The following ADGRV1 variants were observed in gnomAD, a reference collection of about 807,000 sequenced individuals.
ADGRV1 encodes adhesion G protein-coupled receptor V1.
ADGRV1 carries 359 observed loss-of-function variants against 596.2 expected under a neutral mutation model. The observed-to-expected ratio is 0.60, with a 90% CI of 0.55 to 0.66. ADGRV1 has a LOEUF of 0.66. ADGRV1 is among the 30% of genes least tolerant of loss of function. The pLI is 0.00. For missense variants in ADGRV1, 7,274 were observed against 7,575.6 expected (o/e 0.96, Z 1.48); for synonymous variants, 2,681 against 2,679.2 (o/e 1.00, Z -0.02).
At chr5:91,096,053 C>T (rs1366337740) in intron 86 of ADGRV1, among the ~76,000 whole-genome samples, 2 of 151,662 alleles carry the variant, frequency 1.3e-5, no homozygotes, top group East Asian at 3.8e-4. Context: ...AGCCACTGCA[C>T]TTGGCTGATA....
At chr5:90,997,956 T>A (rs972728547) in intron 85 of ADGRV1, among the ~76,000 whole-genome samples, 7 of 152,170 alleles carry the variant, frequency 4.6e-5, no homozygotes, top group Non-Finnish European at 8.8e-5. Flanking sequence ...TCTATGAATG[T>A]GTGTCTCATA....
chr5:90,747,263 A>G (rs376792998), intron 52 of ADGRV1, among the ~76,000 whole-genome samples: 1 of 152,092 alleles, frequency 6.6e-6, no homozygotes, highest in African/African-American at 2.4e-5. Context: ...TGGAGCAACA[A>G]GGAGGCCACT....
chr5:90,978,025 G>A (rs867293177), intron 84 of ADGRV1, among the ~76,000 whole-genome samples: 11 of 152,090 alleles, frequency 7.2e-5, no homozygotes, highest in South Asian at 2.1e-4. Context: ...GACTGGGCAC[G>A]GTAGCTCAAG....
At chr5:91,154,852 GC>G (rs1313694863) in intron 89 of ADGRV1, among the ~76,000 whole-genome samples, 1 of 152,158 alleles carries the variant, frequency 6.6e-6, no homozygotes, top group African/African-American at 2.4e-5. Flanking sequence ...CATAAGAATA[GC>G]ATAGGGTAAA....
At chr5:90,808,435 G>A (rs73179310) in intron 73 of ADGRV1, among the ~76,000 whole-genome samples, 2,050 of 152,256 alleles carry the variant, frequency 0.013, 15 homozygotes, top group Middle Eastern at 0.054. Context: ...AAACTAGAGT[G>A]TATTCAAGTA....
At chr5:90,561,934 G>A (rs973834665) in intron 1 of ADGRV1, among the ~76,000 whole-genome samples, 2 of 150,790 alleles carry the variant, frequency 1.3e-5, no homozygotes, top group African/African-American at 5.0e-5. Flanking sequence ...CTGTTCTTTT[G>A]ATTTGGAAAT....
intron 1 of ADGRV1, among the ~76,000 whole-genome samples, chr5:90,584,476 T>C (rs1276664921): frequency 6.6e-6 from 1 of 152,226 alleles, no homozygotes; most frequent in Admixed American, 6.5e-5. Context: ...TAACCACTTG[T>C]TTTGCTCATG....
chr5:91,155,699 G>A (rs1796422811), intron 89 of ADGRV1, among the ~76,000 whole-genome samples: 1 of 152,130 alleles, frequency 6.6e-6, no homozygotes, highest in South Asian at 2.1e-4. Context: ...CTGATACTTT[G>A]CATAATATTA....
intron 83 of ADGRV1, among the ~76,000 whole-genome samples, chr5:90,948,699 GCT>G (rs1776809166): frequency 6.6e-6 from 1 of 152,012 alleles, no homozygotes; most frequent in Admixed American, 6.6e-5. Context: ...CCTTAAACAA[GCT>G]CTGACACTTA....
chr5:90,770,457 T>C (rs1043628257), intron 59 of ADGRV1, among the ~76,000 whole-genome samples: 3 of 152,172 alleles, frequency 2.0e-5, no homozygotes, highest in Non-Finnish European at 4.4e-5. Context: ...GCGTGGAATG[T>C]GTATCCTCTA....
intron 83 of ADGRV1, among the ~76,000 whole-genome samples, chr5:90,944,363 A>G (rs946395539): frequency 6.6e-6 from 1 of 152,158 alleles, no homozygotes; most frequent in African/African-American, 2.4e-5. Flanking sequence ...TTTTATTATG[A>G]TGATTGTACT....
intron 70 of ADGRV1, among the ~76,000 whole-genome samples, chr5:90,799,148 CA>C (rs1299926529): frequency 6.6e-6 from 1 of 152,180 alleles, no homozygotes; most frequent in Non-Finnish European, 1.5e-5. Flanking sequence ...TCTCTGTTTG[CA>C]GATGACATGA....
intron 85 of ADGRV1, among the ~76,000 whole-genome samples, chr5:91,007,464 G>T (rs767033692): frequency 6.6e-6 from 1 of 152,014 alleles, no homozygotes; most frequent in Non-Finnish European, 1.5e-5. Flanking sequence ...TTGTGGTCAC[G>T]GTCAAAGATG....
At position 90,629,363 on chromosome 5, in the gene ADGRV1, T is replaced by C. The variant is rs756714620; in HGVS notation, c.1663T>C (p.Tyr555His). 6 of 1,613,618 alleles carry C rather than the reference T, an allele frequency of 3.7e-6. No homozygotes were observed. In the Admixed American group the frequency reaches 6.7e-5, roughly 18 times the overall value. ...GGTKGDVRLL[Y>H]SVLYIPAGAV... Reference sequence around the variant, plus strand: ...GACTAAAGGAGATGTGAGGTTGCTTTATTCTGTACTTTACATTCCTGCTGG... The same window carrying C: ...GACTAAAGGAGATGTGAGGTTGCTTCATTCTGTACTTTACATTCCTGCTGG... Residue 555 changes from tyrosine to histidine, a missense_variant, in exon 9 of 90, where the codon TAT becomes CAT. This residue lies in a region of ADGRV1 where 1,715 missense variants were observed against 1,708.8 expected (regional missense o/e 1.00). Transcript: ENST00000405460.
chr5:90,797,676 T>G (rs1453483499), intron 70 of ADGRV1, among the ~76,000 whole-genome samples: 1 of 152,182 alleles, frequency 6.6e-6, no homozygotes, highest in Non-Finnish European at 1.5e-5. Flanking sequence ...GAATATATCT[T>G]CTTCTCAGCA....
intron 70 of ADGRV1, among the ~76,000 whole-genome samples, chr5:90,797,194 A>G (rs1361012324): frequency 3.3e-5 from 5 of 151,694 alleles, no homozygotes; most frequent in Non-Finnish European, 7.4e-5. Context: ...ATAAAGAGTC[A>G]AGACCCATCT....
chr5:91,018,205 A>C (rs762552757), intron 85 of ADGRV1, among the ~76,000 whole-genome samples: 1 of 151,952 alleles, frequency 6.6e-6, no homozygotes, highest in Non-Finnish European at 1.5e-5. Context: ...CTGAAAGATG[A>C]ATGTCCTACA....
intron 83 of ADGRV1, among the ~76,000 whole-genome samples, chr5:90,893,668 A>T (rs1375001581): frequency 1.3e-5 from 2 of 152,244 alleles, no homozygotes; most frequent in Non-Finnish European, 2.9e-5. Flanking sequence ...GCATGTATGT[A>T]TTTAATAATT....
chr5:90,977,514 C>A (rs1470957098), intron 84 of ADGRV1, among the ~76,000 whole-genome samples: 1 of 152,088 alleles, frequency 6.6e-6, no homozygotes, highest in Non-Finnish European at 1.5e-5. Flanking sequence ...CTTTAAAAGG[C>A]ATTTCTCCTT....
Sources: gnomAD v4.1 joint callset for allele counts (sites outside exome capture counted in the v4.1 genomes callset) on GRCh38, gnomAD v4.1.1 for gene constraint, gnomAD v4.1.1 regional missense constraint, MANE v1.5 for transcripts, NCBI Gene and HGNC (gene_info 2026-07-23, HGNC 2026-07-21) for gene names.